CNTNAP2: variants seen among roughly 807,000 people sequenced by gnomAD.
CNTNAP2 encodes the protein contactin-associated protein-like 2.
A neutral mutation model predicts 155.2 loss-of-function variants in CNTNAP2; 98 were observed. The observed-to-expected ratio is 0.63, with a 90% CI of 0.54 to 0.75. CNTNAP2 has a LOEUF of 0.75. Ranked by LOEUF, CNTNAP2 falls within the 30% of genes least tolerant of loss-of-function variation. CNTNAP2 has a pLI of 0.00. For synonymous variants in CNTNAP2, 651 were observed against 631.2 expected, an observed-to-expected ratio of 1.03 and a Z score of -0.47; for missense variants, 1,727 against 1,688.1, an observed-to-expected ratio of 1.02 and a Z score of -0.40.
chr7:146,709,622 A>G lies in CNTNAP2; in HGVS notation c.98-64649A>G, dbSNP rs551351492. 3.9e-5 allele frequency among the ~76,000 whole-genome samples: 6 copies of G among 152,284 alleles called. No individual in the cohort carries two copies. The South Asian group carries it at 1.2e-3, about 32-fold the overall frequency. The stretch of plus-strand genomic sequence containing the variant: ...GCAGAAAGGAGAATTCAGAAGCACA[A>G]CATAATCTAAATTTGATTTATGGCA... On this transcript the variant is annotated intron_variant, in intron 1 of 23. Coordinates refer to ENST00000361727, the MANE Select transcript of CNTNAP2 (RefSeq NM_014141.6).
At chr7:146,737,817 C>G (rs1034886938) in intron 1 of CNTNAP2, among the ~76,000 whole-genome samples, 1 of 151,978 alleles carries the variant, frequency 6.6e-6, no homozygotes, top group Admixed American at 6.5e-5. Context: ...AATGATAACA[C>G]TTCGTTCTTT....
intron 13 of CNTNAP2, among the ~76,000 whole-genome samples, chr7:147,689,988 T>C (rs1584901646): frequency 6.6e-6 from 1 of 152,054 alleles, no homozygotes; most frequent in Admixed American, 6.6e-5. Context: ...GGAACTACGG[T>C]GTAGGAACCA....
At chr7:147,733,594 A>G (rs1426381780) in intron 13 of CNTNAP2, among the ~76,000 whole-genome samples, 1 of 152,206 alleles carries the variant, frequency 6.6e-6, no homozygotes, top group African/African-American at 2.4e-5. Context: ...CATTGAATCT[A>G]TAAATTACCT....
chr7:146,721,864 T>TA (rs1400212135), intron 1 of CNTNAP2, among the ~76,000 whole-genome samples: 3 of 95,786 alleles, frequency 3.1e-5, no homozygotes, highest in East Asian at 2.6e-4. Flanking sequence ...TTTATATGTG[T>TA]GTGTGTGTGT....
chr7:146,931,203 A>C (rs1204742439), intron 3 of CNTNAP2, among the ~76,000 whole-genome samples: 3 of 152,136 alleles, frequency 2.0e-5, no homozygotes, highest in Non-Finnish European at 4.4e-5. Flanking sequence ...TCTCCTCAGC[A>C]AATGTAAAAG....
At position 147,395,788 on chromosome 7, in the gene CNTNAP2, A is replaced by G. The variant is rs1400402848; in HGVS notation, c.1670+8A>G. The G allele has an allele frequency of 4.3e-6, 7 of 1,611,588 alleles. No homozygotes were observed. The South Asian group carries it at 7.7e-5, about 18-fold the overall frequency. ...GTGTGCGATCATAGACAGGTAAATG[A>G]TCTTTTCATCCTACCTCACGTTGTC... is the stretch of plus-strand genomic sequence containing the variant. On this transcript the variant is annotated splice_region_variant and intron_variant, in intron 10 of 23. Transcript: ENST00000361727.
intron 6 of CNTNAP2, among the ~76,000 whole-genome samples, chr7:147,124,942 G>A (rs1024951289): frequency 7.7e-5 from 11 of 143,408 alleles, no homozygotes; most frequent in African/African-American, 1.8e-4. Flanking sequence ...GTGCAGTGGC[G>A]CGATTTTGGC....
At chr7:146,595,830 T>C (rs2129150378) in intron 1 of CNTNAP2, among the ~76,000 whole-genome samples, 1 of 152,172 alleles carries the variant, frequency 6.6e-6, no homozygotes, top group African/African-American at 2.4e-5. Context: ...TCGAACCTGG[T>C]TTTCAACAGC....
rs1332623090 is a variant in CNTNAP2 at position 147,282,887 on chromosome 7, C to T, written c.1349-17254C>T. Among the ~76,000 whole-genome samples the T allele has an allele frequency of 2.0e-5, 3 of 151,806 alleles. No homozygotes were observed. The South Asian group carries it at 6.2e-4, about 31-fold the overall frequency. ...CTGGGATTACAGATATGAACCACTT[C>T]ACCCAGCCACCATTAAGTTTACAAA... On this transcript the variant is annotated intron_variant, in intron 8 of 23. Coordinates refer to ENST00000361727, the MANE Select transcript of CNTNAP2 (RefSeq NM_014141.6).
chr7:146,572,895 A>C (rs1390433318), intron 1 of CNTNAP2, among the ~76,000 whole-genome samples: 1 of 152,116 alleles, frequency 6.6e-6, no homozygotes, highest in Non-Finnish European at 1.5e-5. Flanking sequence ...AAGCAGAAAA[A>C]GAACTATGTA....
At chr7:147,453,836 T>G (rs972582172) in intron 10 of CNTNAP2, among the ~76,000 whole-genome samples, 13 of 152,172 alleles carry the variant, frequency 8.5e-5, no homozygotes, top group Admixed American at 6.5e-4. Context: ...TTTTAAATGA[T>G]AAGTGGAAAT....
chr7:146,940,851 A>T (rs893948375), intron 3 of CNTNAP2, among the ~76,000 whole-genome samples: 8 of 146,074 alleles, frequency 5.5e-5, no homozygotes, highest in Non-Finnish European at 3.0e-5. Context: ...AGAGAGAAAG[A>T]GAGAGAGAGA....
intron 1 of CNTNAP2, among the ~76,000 whole-genome samples, chr7:146,661,451 C>T (rs180993332): frequency 4.7e-4 from 72 of 152,198 alleles, no homozygotes; most frequent in African/African-American, 1.6e-3. Flanking sequence ...CAATCCTTAA[C>T]CCCTGGTCAC....
At chr7:147,665,922 A>T (rs907368433) in intron 13 of CNTNAP2, among the ~76,000 whole-genome samples, 1 of 152,164 alleles carries the variant, frequency 6.6e-6, no homozygotes, top group Non-Finnish European at 1.5e-5. Context: ...AACAGTTTAC[A>T]TCACTATCAG....
At chr7:147,353,104 C>T (rs1030708247) in intron 9 of CNTNAP2, among the ~76,000 whole-genome samples, 1 of 151,406 alleles carries the variant, frequency 6.6e-6, no homozygotes, top group African/African-American at 2.4e-5. Flanking sequence ...TAGACACACA[C>T]ACACATGTAT....
At chr7:146,987,473 C>A (rs1356803123) in intron 3 of CNTNAP2, among the ~76,000 whole-genome samples, 1 of 151,992 alleles carries the variant, frequency 6.6e-6, no homozygotes, top group African/African-American at 2.4e-5. Context: ...ACATTTCACA[C>A]TCTGAGATTA....
At chr7:147,906,829 C>T (rs1799965759) in intron 14 of CNTNAP2, among the ~76,000 whole-genome samples, 1 of 152,110 alleles carries the variant, frequency 6.6e-6, no homozygotes, top group South Asian at 2.1e-4. Context: ...GAATTCAGAT[C>T]ACAGATTAGA....
intron 3 of CNTNAP2, among the ~76,000 whole-genome samples, chr7:146,985,463 G>T (rs1006356453): frequency 1.3e-5 from 2 of 151,014 alleles, no homozygotes; most frequent in African/African-American, 4.9e-5. Context: ...GACTACAGGC[G>T]CCTGCCACCA....
intron 21 of CNTNAP2, among the ~76,000 whole-genome samples, chr7:148,314,659 G>A (rs1429179686): frequency 1.3e-5 from 2 of 151,590 alleles, no homozygotes; most frequent in Non-Finnish European, 2.9e-5. Flanking sequence ...GAAGGAGTTG[G>A]GGGGTTCTTG....
Sources: allele counts gnomAD v4.1 joint callset (sites outside exome capture counted in the v4.1 genomes callset), GRCh38; gene constraint gnomAD v4.1.1; transcripts MANE v1.5; gene names NCBI Gene and HGNC (gene_info 2026-07-23, HGNC 2026-07-21).